Variants in USP34 observed in about 807,000 individuals in gnomAD.
USP34 encodes the protein ubiquitin specific peptidase 34.
In USP34, 70 loss-of-function variants were observed where a neutral mutation model predicts 460.3. The ratio of observed to expected loss-of-function variants is 0.15; its 90% CI spans 0.13 to 0.19. The LOEUF is 0.19. Among genes scored for constraint, USP34 ranks in the 10% least tolerant of loss-of-function variants. The probability of loss-of-function intolerance (pLI) is 1.00; values close to 1 mark genes in which losing one functional copy is unlikely to be tolerated. For synonymous variants in USP34, 1,647 were observed against 1,405.3 expected (o/e 1.17, Z -3.85); for missense variants, 3,985 against 4,236.2 (o/e 0.94, Z 1.65).
At chr2:61,237,724 A>G (rs2103848880) in intron 53 of USP34, among the ~76,000 whole-genome samples, 1 of 150,578 alleles carries the variant, frequency 6.6e-6, no homozygotes, top group Non-Finnish European at 1.5e-5. Flanking sequence ...GCGTGCCACC[A>G]TGCCCAGCTA....
intron 41 of USP34, among the ~76,000 whole-genome samples, chr2:61,270,168 T>C (rs1044288084): frequency 2.6e-5 from 4 of 152,188 alleles, no homozygotes. Context: ...TATTAGAAGG[T>C]GGGACCTTTG....
intron 21 of USP34, among the ~76,000 whole-genome samples, chr2:61,322,173 T>C (rs1431392917): frequency 6.6e-6 from 1 of 152,136 alleles, no homozygotes; most frequent in African/African-American, 2.4e-5. Context: ...GAGGTTGCGG[T>C]GAGCCAAGAT....
intron 2 of USP34, among the ~76,000 whole-genome samples, chr2:61,413,042 C>T (rs975390910): frequency 1.3e-5 from 2 of 152,022 alleles, no homozygotes; most frequent in Admixed American, 1.3e-4. Context: ...CCAAAACAGA[C>T]AAAATTTCTG....
At chr2:61,454,870 C>T (rs2463098) in intron 1 of USP34, among the ~76,000 whole-genome samples, 1,878 of 35,926 alleles carry the variant, frequency 0.052, 94 homozygotes, top group Middle Eastern at 0.095. Flanking sequence ...TTTTTTTTTT[C>T]TTTTTTTTTT....
chr2:61,371,459 G>C (rs199669319), intron 8 of USP34, among the ~76,000 whole-genome samples: 1 of 147,874 alleles, frequency 6.8e-6, no homozygotes, highest in South Asian at 2.1e-4. Context: ...AAAAAAAAAG[G>C]AAAGAAAACA....
chr2:61,403,245 T>C (rs1466336028), intron 3 of USP34, among the ~76,000 whole-genome samples: 1 of 152,154 alleles, frequency 6.6e-6, no homozygotes, highest in Non-Finnish European at 1.5e-5. Flanking sequence ...AGTGTAACTA[T>C]GCCTACATTT....
intron 1 of USP34, among the ~76,000 whole-genome samples, chr2:61,449,784 A>T (rs948440378): frequency 1.3e-5 from 2 of 152,106 alleles, no homozygotes; most frequent in Admixed American, 1.3e-4. Flanking sequence ...ATGAAGTTGT[A>T]TCAGCCGGCG....
At chr2:61,410,480 T>C (rs1336099911) in intron 2 of USP34, among the ~76,000 whole-genome samples, 1 of 152,184 alleles carries the variant, frequency 6.6e-6, no homozygotes, top group Non-Finnish European at 1.5e-5. Context: ...GCTCCTGCTG[T>C]GTGGCCTGGT....
At chr2:61,218,242 C>T (rs559272514) in intron 67 of USP34, among the ~76,000 whole-genome samples, 13 of 147,412 alleles carry the variant, frequency 8.8e-5, no homozygotes, top group Non-Finnish European at 1.3e-4. Context: ...GTTAAGAGCG[C>T]ACAGCTCTCA....
chr2:61,310,266 T>C (rs1690545662), intron 27 of USP34, among the ~76,000 whole-genome samples: 1 of 152,188 alleles, frequency 6.6e-6, no homozygotes, highest in Admixed American at 6.5e-5. Flanking sequence ...TTATCCAACA[T>C]ACATGAAATA....
intron 1 of USP34, among the ~76,000 whole-genome samples, chr2:61,452,133 C>T (rs999342031): frequency 2.7e-5 from 4 of 149,374 alleles, no homozygotes; most frequent in African/African-American, 9.9e-5. Context: ...GAGATCATGC[C>T]ACTGCACTCC....
intron 1 of USP34, among the ~76,000 whole-genome samples, chr2:61,436,520 A>G (rs1433451961): frequency 6.6e-6 from 1 of 152,196 alleles, no homozygotes; most frequent in Non-Finnish European, 1.5e-5. Context: ...AATTGTAAAT[A>G]CACACGCAAC....
At chr2:61,216,613 A>C (rs1443586883) in intron 67 of USP34, among the ~76,000 whole-genome samples, 1 of 146,924 alleles carries the variant, frequency 6.8e-6, no homozygotes, top group Non-Finnish European at 1.5e-5. Context: ...AAACAACAAA[A>C]AACAAAAAAC....
chr2:61,418,087 T>C (rs1370102051), intron 2 of USP34, among the ~76,000 whole-genome samples: 8 of 137,720 alleles, frequency 5.8e-5, no homozygotes, highest in Admixed American at 5.0e-4. Flanking sequence ...GTTAACATAC[T>C]TTTTTTTTTT....
chr2:61,240,728 T>C (rs1384122237), intron 53 of USP34, among the ~76,000 whole-genome samples: 1 of 151,494 alleles, frequency 6.6e-6, no homozygotes, highest in Non-Finnish European at 1.5e-5. Context: ...TGCCCACCAA[T>C]ACACCCAGCT....
At chr2:61,365,347 G>C (rs1200847615) in intron 10 of USP34, among the ~76,000 whole-genome samples, 1 of 151,492 alleles carries the variant, frequency 6.6e-6, no homozygotes, top group Non-Finnish European at 1.5e-5. Context: ...ATGTATGTAT[G>C]TATGTATGCC....
At chr2:61,465,214 G>T (rs887338924) in intron 1 of USP34, among the ~76,000 whole-genome samples, 1 of 152,072 alleles carries the variant, frequency 6.6e-6, no homozygotes, top group African/African-American at 2.4e-5. Flanking sequence ...GTGGGGCAAG[G>T]GTACTTATGA....
intron 19 of USP34, among the ~76,000 whole-genome samples, chr2:61,331,866 C>T (rs1419162244): frequency 1.3e-5 from 2 of 151,918 alleles, no homozygotes; most frequent in Admixed American, 1.3e-4. Flanking sequence ...CAAATAGTGG[C>T]ATATACATTC....
intron 2 of USP34, among the ~76,000 whole-genome samples, chr2:61,408,101 C>A (rs1693934392): frequency 6.6e-6 from 1 of 152,014 alleles, no homozygotes; most frequent in South Asian, 2.1e-4. Flanking sequence ...GGTGACAAAG[C>A]AAGATTCTGT....
Sources: allele counts gnomAD v4.1 joint callset (sites outside exome capture counted in the v4.1 genomes callset), GRCh38; gene constraint gnomAD v4.1.1; transcripts MANE v1.5; gene names NCBI Gene and HGNC (gene_info 2026-07-23, HGNC 2026-07-21).